HOMER2: variants seen among roughly 807,000 people sequenced by gnomAD.
The protein encoded by HOMER2 is homer scaffold protein 2, also known as homer protein homolog 2.
In HOMER2, 27 loss-of-function variants were observed where a neutral mutation model predicts 47.0. That is an observed-to-expected ratio of 0.57 (90% CI 0.42 to 0.79). The LOEUF (loss-of-function observed/expected upper bound fraction) is 0.79. Among genes scored for constraint, HOMER2 ranks in the 30% least tolerant of loss-of-function variants. The pLI is 0.00. For synonymous variants in HOMER2, 161 were observed against 163.8 expected, an observed-to-expected ratio of 0.98 and a Z score of 0.13; for missense variants, 443 against 435.0, an observed-to-expected ratio of 1.02 and a Z score of -0.16.
At chr15:82,933,683 A>G (rs948351910) in intron 1 of HOMER2, among the ~76,000 whole-genome samples, 1 of 152,200 alleles carries the variant, frequency 6.6e-6, no homozygotes, top group African/African-American at 2.4e-5. Context: ...AGGGTTCTAG[A>G]TGGGAGCGGG....
intron 1 of HOMER2, among the ~76,000 whole-genome samples, chr15:82,917,509 A>G (rs2053620878): frequency 6.6e-6 from 1 of 152,228 alleles, no homozygotes; most frequent in Non-Finnish European, 1.5e-5. Context: ...AGGACATGGC[A>G]CATGATACCA....
chr15:82,979,060 T>A (rs2030304235), intron 1 of HOMER2, among the ~76,000 whole-genome samples: 1 of 152,186 alleles, frequency 6.6e-6, no homozygotes, highest in Non-Finnish European at 1.5e-5. Flanking sequence ...CTTTACTTGG[T>A]TCTCACTTTT....
rs10602958 is a variant in HOMER2, at chr15:82,941,442, CAAAAAAAA to C, written c.5+11081_5+11088del. Among the ~76,000 whole-genome samples the C allele has an allele frequency of 4.0e-5, 3 of 74,470 alleles. No homozygotes were observed. In the East Asian group the frequency reaches 1.7e-3, roughly 41 times the overall value. 48.9% of individuals were successfully genotyped at this position (74,470 alleles called of 152,430 possible). ...TGGGCGACAGAGTGAGAGTCTGTCT[CAAAAAAAA>C]AAAAAAAAAAAAAAAAATCCTAAAA... On this transcript the variant is annotated intron_variant, in intron 1 of 8. Transcript: ENST00000450735.
chr15:82,965,416 C>T (rs1002321831), intron 1 of HOMER2, among the ~76,000 whole-genome samples: 1 of 152,184 alleles, frequency 6.6e-6, no homozygotes, highest in Non-Finnish European at 1.5e-5. Context: ...TACTGTTACC[C>T]AAAGCCAATC....
intron 1 of HOMER2, among the ~76,000 whole-genome samples, chr15:82,931,837 C>G (rs1335425013): frequency 6.6e-6 from 1 of 151,960 alleles, no homozygotes; most frequent in Non-Finnish European, 1.5e-5. Context: ...GACTCCGTCT[C>G]AAAAAACAAA....
chr15:82,932,574 C>T (rs144964736), intron 1 of HOMER2, among the ~76,000 whole-genome samples: 1,655 of 151,750 alleles, frequency 0.011, 8 homozygotes, highest in Non-Finnish European at 0.016. Flanking sequence ...CAATGCCATA[C>T]GGAACAGTAT....
In HOMER2 at chr15:82,851,229, C is replaced by A; in HGVS notation, c.765G>T (p.Glu255Asp). 6.4e-7 allele frequency: 1 copy of A among 1,555,654 alleles called. No homozygotes were observed. The highest frequency in any genetic ancestry group is 2.4e-5 in the East Asian group (1 of 42,052). Residue 255 changes from glutamate (E) to aspartate (D), a missense_variant and splice_region_variant, in exon 8 of 9, where the codon GAG (glutamate) becomes GAT (aspartate). Coordinates refer to ENST00000450735, the MANE Select transcript of HOMER2 (RefSeq NM_004839.4). Reference sequence around the variant, plus strand: ...CACTTTGTTTTCGGAGATCTTTCAGCTCCTACATGAAAAAAATTTGAGATA... The same window carrying A: ...CACTTTGTTTTCGGAGATCTTTCAGATCCTACATGAAAAAAATTTGAGATA... ...LEAELREKET[E>D]LKDLRKQSEI... is the part of the protein sequence containing the mutation.
At chr15:82,865,096 T>C in intron 3 of HOMER2, among the ~76,000 whole-genome samples, 1 of 152,242 alleles carries the variant, frequency 6.6e-6, no homozygotes, top group Non-Finnish European at 1.5e-5. Context: ...CCTTGCCAGA[T>C]AACAGATGTA....
chr15:82,895,665 C>T lies in HOMER2; in HGVS notation c.6-2824G>A, dbSNP rs142018766. 1.4e-4 allele frequency among the ~76,000 whole-genome samples: 22 copies of T among 152,298 alleles called. No individual in the cohort carries two copies. The East Asian group carries it at 3.1e-3, about 21-fold the overall frequency. ...CTAAATGGGCTGGGCTGGGGGCCCA[C>T]GGGTTAGAGAAGGCCTTTCTGGGAA... On this transcript the variant is annotated intron_variant, in intron 1 of 8. Transcript: ENST00000450735.
chr15:82,863,398 C>T (rs1017065129), intron 4 of HOMER2, among the ~76,000 whole-genome samples: 7 of 152,174 alleles, frequency 4.6e-5, no homozygotes, highest in Non-Finnish European at 2.9e-5. Flanking sequence ...TAAAAAATTA[C>T]CCAGTAATGA....
At chr15:82,963,242 G>A (rs1037389628) in intron 1 of HOMER2, among the ~76,000 whole-genome samples, 7 of 152,162 alleles carry the variant, frequency 4.6e-5, no homozygotes, top group South Asian at 4.2e-4. Flanking sequence ...ATGCCACCAA[G>A]CCTAGCTAAT....
chr15:82,864,130 A>G (rs770435476), intron 4 of HOMER2, 37 bp downstream of exon 4: 3 of 1,380,736 alleles, frequency 2.2e-6, no homozygotes, highest in Admixed American at 3.9e-5. Flanking sequence ...CCTATCACCA[A>G]CCCCACTGGG....
At chr15:82,975,651 C>G (rs763340574) in intron 1 of HOMER2, among the ~76,000 whole-genome samples, 60 of 152,200 alleles carry the variant, frequency 3.9e-4, no homozygotes, top group Non-Finnish European at 7.6e-4. Context: ...CTTGTAGGAT[C>G]TAAAAATCAC....
intron 1 of HOMER2, among the ~76,000 whole-genome samples, chr15:82,959,772 C>T (rs1490832750): frequency 6.6e-6 from 1 of 152,116 alleles, no homozygotes; most frequent in Non-Finnish European, 1.5e-5. Flanking sequence ...AGGTGTGATA[C>T]CCAGAGCCCC....
At chr15:82,852,642 CT>C (rs1567012433) in intron 6 of HOMER2, 1 of 179,546 alleles carries the variant, frequency 5.6e-6, no homozygotes, top group Non-Finnish European at 1.2e-5. Flanking sequence ...TCCAGAATGA[CT>C]GTTACACCAC....
intron 1 of HOMER2, among the ~76,000 whole-genome samples, chr15:82,945,739 G>A (rs1174886401): frequency 6.6e-6 from 1 of 152,144 alleles, no homozygotes; most frequent in Non-Finnish European, 1.5e-5. Flanking sequence ...GGGAGGCCAA[G>A]GCGGGCAAAT....
intron 1 of HOMER2, among the ~76,000 whole-genome samples, chr15:82,904,931 G>T: frequency 6.6e-6 from 1 of 152,182 alleles, no homozygotes; most frequent in South Asian, 2.1e-4. Flanking sequence ...GACTGAACAA[G>T]TATGAGAACC....
chr15:82,838,854 CTT>C (rs2051150667), exon 2 of HOMER2: 1 of 152,194 alleles, frequency 6.6e-6, no homozygotes, highest in Admixed American at 6.5e-5. Context: ...TTCTTTTACT[CTT>C]GAGCTGAGGG....
At chr15:82,945,768 A>C (rs1276902390) in intron 1 of HOMER2, among the ~76,000 whole-genome samples, 3 of 152,176 alleles carry the variant, frequency 2.0e-5, no homozygotes, top group East Asian at 1.9e-4. Flanking sequence ...CAGGAGATCG[A>C]GACCATCCTG....
Sources: allele counts gnomAD v4.1 joint callset (sites outside exome capture counted in the v4.1 genomes callset), GRCh38; gene constraint gnomAD v4.1.1; transcripts MANE v1.5; gene names NCBI Gene and HGNC (gene_info 2026-07-23, HGNC 2026-07-21).